Variants in MEX3D observed in about 807,000 individuals in gnomAD.
The protein encoded by MEX3D is RNA-binding protein MEX3D.
Under a neutral mutation model 6.3 loss-of-function variants are expected in MEX3D, and 4 were observed. That is an observed-to-expected ratio of 0.64 (90% CI 0.31 to 1.46). The LOEUF is 1.46. Among genes scored for constraint, MEX3D ranks in the 40% most tolerant of loss-of-function variants. The pLI is 0.07. For synonymous variants in MEX3D, 626 were observed against 494.1 expected (o/e 1.27, Z -3.54); for missense variants, 1,038 against 994.4 (o/e 1.04, Z -0.59).
rs1392567339 is a variant in MEX3D, at chr19:1,567,911, G to A, written c.148C>T (p.Pro50Ser). The change falls in exon 1 of 2, where the codon CCC becomes TCC. Residue 50 changes from proline (P) to serine (S), a missense_variant. Physicochemically the swap from Pro to Ser is moderately conservative, Grantham distance 74. Around this residue, in one of 5 missense-constraint regions of MEX3D, gnomAD observed 265 missense variants for 206.3 expected, o/e 1.28. Coordinates refer to ENST00000402693, the MANE Select transcript of MEX3D (RefSeq NM_203304.4). The surrounding 1 kb of genome is among the most constrained non-coding windows in gnomAD (Gnocchi z 6.5). ...QEAAPAPRPPPEPDDAAAALR... is the reference protein window; with the variant it reads ...QEAAPAPRPPSEPDDAAAALR... ...GCGGCGGCCGCGTCGTCGGGTTCGG[G>A]CGGCGGCCGGGGCGCGGGCGCGGCC... The A allele has an allele frequency of 2.0e-6, 2 of 980,290 alleles. No homozygotes were observed. Among genetic ancestry groups the A allele is most frequent in the African/African-American group, 1.8e-5 (1 of 56,388 alleles). 60.7% of individuals were successfully genotyped at this position (980,290 alleles called of 1,614,324 possible). A position where few individuals can be genotyped will look rare whatever the true frequency, so the allele number is the denominator to read the frequency against.
Position 1,556,130 on chromosome 19 carries a change from G to C in MEX3D, c.1389C>G (p.Asp463Glu). Residue 463 changes from aspartate (D) to glutamate (E), a missense_variant, in exon 2 of 2, where the codon GAC (aspartate) becomes GAG (glutamate). Transcript: ENST00000402693. The surrounding 1 kb of genome is among the most constrained non-coding windows in gnomAD (Gnocchi z 7.5). ...TGGTGGCCGCGGCGGGCACGGTCAG[G>C]TCCAGCGCCAGGAAGTCGAAGTCGA... is the stretch of plus-strand genomic sequence containing the variant. ...FGFDFDFLALDLTVPAAATIW... is the reference protein window; with the variant it reads ...FGFDFDFLALELTVPAAATIW... The C allele has an allele frequency of 6.8e-7, 1 of 1,471,474 alleles. No homozygotes were observed. Among genetic ancestry groups the C allele is most frequent in the Non-Finnish European group, 9.0e-7 (1 of 1,111,196 alleles). 91.2% of individuals were successfully genotyped at this position (1,471,474 alleles called of 1,614,324 possible).
intron 1 of MEX3D, among the ~76,000 whole-genome samples, chr19:1,562,473 C>CGAGATTG (rs1914745068): frequency 6.8e-6 from 1 of 146,292 alleles, no homozygotes; most frequent in East Asian, 2.0e-4. Flanking sequence ...TGCAGTGAGC[C>CGAGATTG]GAGATTGCAC....
intron 1 of MEX3D, among the ~76,000 whole-genome samples, chr19:1,565,014 T>C (rs189290061): frequency 1.0e-3 from 159 of 152,300 alleles, no homozygotes; most frequent in Non-Finnish European, 2.0e-3. Context: ...CAACCTGTCC[T>C]GGCATCCACA....
At chr19:1,560,729 C>T (rs1169302593) in intron 1 of MEX3D, among the ~76,000 whole-genome samples, 3 of 152,288 alleles carry the variant, frequency 2.0e-5, no homozygotes, top group Non-Finnish European at 2.9e-5. Flanking sequence ...CTAACCCAGA[C>T]GGTGGCGCTG....
At chr19:1,557,038 C>G (rs1411213832) in intron 1 of MEX3D, 115 bp from the exon 2 acceptor site, 1 of 1,252,618 alleles carries the variant, frequency 8.0e-7, no homozygotes, top group Non-Finnish European at 1.1e-6. Flanking sequence ...CAGCCTGTGC[C>G]CAACAACACT....
rs1238479677 is a variant in MEX3D at position 1,554,898 on chromosome 19, G to A, written c.*665C>T. 2 of 128,004 alleles carry A rather than the reference G, an allele frequency of 1.6e-5. No homozygotes were observed. The highest frequency in any genetic ancestry group is 3.0e-5 in the African/African-American group (1 of 33,270). The allele number at this position is 128,004 out of a possible 1,614,324, so 7.9% of individuals were successfully genotyped here. A position where few individuals can be genotyped will look rare whatever the true frequency, so the allele number is the denominator to read the frequency against. ...ATAAATTCCCTACATATACACAAGAGGTAAAAAGTAAAAGTAAAAAAAAAA... is the reference window on the plus strand; with the variant it reads ...ATAAATTCCCTACATATACACAAGAAGTAAAAAGTAAAAGTAAAAAAAAAA... On this transcript the variant is annotated 3_prime_UTR_variant, in exon 2 of 2. Coordinates refer to ENST00000402693, the MANE Select transcript of MEX3D (RefSeq NM_203304.4).
At chr19:1,563,876 T>C (rs921046791) in intron 1 of MEX3D, among the ~76,000 whole-genome samples, 14 of 152,078 alleles carry the variant, frequency 9.2e-5, no homozygotes, top group African/African-American at 2.9e-4. Context: ...GACAAGATCA[T>C]AGCTCACTGC....
intron 1 of MEX3D, among the ~76,000 whole-genome samples, chr19:1,562,474 G>A (rs1914745007): frequency 2.0e-5 from 3 of 151,844 alleles, no homozygotes; most frequent in African/African-American, 7.3e-5. Context: ...GCAGTGAGCC[G>A]AGATTGCACC....
intron 1 of MEX3D, among the ~76,000 whole-genome samples, chr19:1,564,904 C>T (rs1442582915): frequency 3.3e-5 from 5 of 150,444 alleles, no homozygotes; most frequent in African/African-American, 4.9e-5. Context: ...TGCTTGAGAA[C>T]GGGGTGGGTG....
At position 1,555,273 on chromosome 19, in the gene MEX3D, G is replaced by A. The variant is rs1401537582; in HGVS notation, c.*290C>T. 1 of 1,523,870 alleles carries A rather than the reference G, an allele frequency of 6.6e-7. No individual in the cohort carries two copies. Among genetic ancestry groups the A allele is most frequent in the Non-Finnish European group, 8.9e-7 (1 of 1,122,902 alleles). The allele number at this position is 1,523,870 out of a possible 1,614,324, so 94.4% of individuals were successfully genotyped here. A position where few individuals can be genotyped will look rare whatever the true frequency, so the allele number is the denominator to read the frequency against. On this transcript the variant is annotated 3_prime_UTR_variant, in exon 2 of 2. Coordinates refer to ENST00000402693, the MANE Select transcript of MEX3D (RefSeq NM_203304.4). ...GGAGGGGAGGGGTGTCTAAAAATAA[G>A]AAAACTAAAAAAAGTGCAAGCGGAC...
At position 1,556,502 on chromosome 19, in the gene MEX3D, C is replaced by G; in HGVS notation, c.1017G>C (p.Thr339=). 1.9e-6 allele frequency: 3 copies of G among 1,605,410 alleles called. No homozygotes were observed. Among genetic ancestry groups the G allele is most frequent in the Non-Finnish European group, 2.5e-6 (3 of 1,177,818 alleles). Residue 339 remains threonine, a synonymous_variant, in exon 2 of 2, where the codon ACG becomes ACC. Transcript: ENST00000402693. The surrounding 1 kb of genome is among the most constrained non-coding windows in gnomAD (Gnocchi z 7.5). Reference sequence around the variant, plus strand: ...CGTCGGTGAAGGCGCCAGTGCGCAGCGTGATGTGCGCCTCGATCTCCTCGC... The same window carrying G: ...CGTCGGTGAAGGCGCCAGTGCGCAGGGTGATGTGCGCCTCGATCTCCTCGC... ...RAREEIEAHI[T]LRTGAFTDAG... is the part of the protein sequence containing the mutation.
chr19:1,565,612 A>T (rs1914819186), intron 1 of MEX3D, among the ~76,000 whole-genome samples: 1 of 152,220 alleles, frequency 6.6e-6, no homozygotes, highest in Non-Finnish European at 1.5e-5. Context: ...ACGTCCGCAC[A>T]TCACAGAGAG....
At chr19:1,559,954 C>T (rs978380554) in intron 1 of MEX3D, among the ~76,000 whole-genome samples, 1 of 152,212 alleles carries the variant, frequency 6.6e-6, no homozygotes, top group Non-Finnish European at 1.5e-5. Flanking sequence ...CCCCTCCATT[C>T]TTCTGTACAG....
chr19:1,564,390 G>C (rs1205800466), intron 1 of MEX3D, among the ~76,000 whole-genome samples: 1 of 152,096 alleles, frequency 6.6e-6, no homozygotes, highest in African/African-American at 2.4e-5. Context: ...AAAACCAGCT[G>C]GGCATAGTGG....
intron 1 of MEX3D, among the ~76,000 whole-genome samples, chr19:1,564,708 T>G (rs1290561708): frequency 1.3e-5 from 2 of 151,750 alleles, no homozygotes; most frequent in South Asian, 2.1e-4. Flanking sequence ...AGAGGGCTGG[T>G]GCCAGGCCTG....
chr19:1,567,668 C>T lies in MEX3D; in HGVS notation c.391G>A (p.Ala131Thr), dbSNP rs1914880041. 2 of 1,189,196 alleles carry T rather than the reference C, an allele frequency of 1.7e-6. No homozygotes were observed. The highest frequency in any genetic ancestry group is 3.5e-5 in the South Asian group (1 of 28,398). The allele number at this position is 1,189,196 out of a possible 1,614,324, so 73.7% of individuals were successfully genotyped here. Residue 131 changes from alanine (A) to threonine (T), a missense_variant, in exon 1 of 2, where the codon GCG becomes ACG. Physicochemically the swap from Ala to Thr is moderately conservative, Grantham distance 58. Transcript: ENST00000402693. The surrounding 1 kb of genome is among the most constrained non-coding windows in gnomAD (Gnocchi z 6.5). ...PGSLPLLDPNASPPPPPPPRP... is the reference protein window; with the variant it reads ...PGSLPLLDPNTSPPPPPPPRP... ...GGCGGCGGCGGCGGCGGGGGACTCG[C>T]GTTGGGGTCCAGCAGCGGCAGCGAC... is the stretch of plus-strand genomic sequence containing the variant.
In MEX3D at chr19:1,555,775, C is replaced by T; in HGVS notation, c.1744G>A (p.Glu582Lys). Residue 582 changes from glutamate (E) to lysine (K), a missense_variant, in exon 2 of 2, where the codon GAG becomes AAG. Glu to Lys is a moderately conservative substitution (Grantham distance 56, BLOSUM62 1). Around this residue, in one of 5 missense-constraint regions of MEX3D, gnomAD observed 581 missense variants for 516.2 expected, o/e 1.13. Transcript: ENST00000402693. Reference sequence around the variant, plus strand: ...GCCGAAGGGGGCTTGCGGCTGTTCTCGGAGGCGCCGGAGTCCAGGGGGGCG... The same window carrying T: ...GCCGAAGGGGGCTTGCGGCTGTTCTTGGAGGCGCCGGAGTCCAGGGGGGCG... ...ACAPLDSGAS[E>K]NSRKPPSASS... 6.9e-7 allele frequency: 1 copy of T among 1,456,714 alleles called. No homozygotes were observed. The highest frequency in any genetic ancestry group is 9.0e-7 in the Non-Finnish European group (1 of 1,111,606). The allele number at this position is 1,456,714 out of a possible 1,614,324, so 90.2% of individuals were successfully genotyped here.
At chr19:1,563,246 G>A (rs1599327414) in intron 1 of MEX3D, among the ~76,000 whole-genome samples, 1 of 152,162 alleles carries the variant, frequency 6.6e-6, no homozygotes, top group African/African-American at 2.4e-5. Context: ...AGGAGAAGAG[G>A]AGCCTCTGGG....
At chr19:1,557,140 C>T (rs776994566) in intron 1 of MEX3D, among the ~76,000 whole-genome samples, 3 of 152,162 alleles carry the variant, frequency 2.0e-5, no homozygotes, top group Non-Finnish European at 4.4e-5. Context: ...GCAAGGGGAC[C>T]CTGTTTTAGG....
Sources: allele counts gnomAD v4.1 joint callset (sites outside exome capture counted in the v4.1 genomes callset), GRCh38; gene constraint gnomAD v4.1.1; regional missense constraint gnomAD v4.1.1; non-coding constraint Gnocchi (gnomAD v3.1); transcripts MANE v1.5; gene names NCBI Gene and HGNC (gene_info 2026-07-23, HGNC 2026-07-21).